LRP1B: variants seen among roughly 807,000 people sequenced by gnomAD.
LRP1B encodes the protein LDL receptor related protein 1B, also known as low-density lipoprotein receptor-related protein 1B.
In LRP1B, 217 loss-of-function variants were observed where a neutral mutation model predicts 556.6. That is an observed-to-expected ratio of 0.39 (90% confidence interval 0.35 to 0.44). The LOEUF (loss-of-function observed/expected upper bound fraction) is 0.44, where lower values mean the gene tolerates loss of function less well. LRP1B is among the 20% of genes least tolerant of loss of function. The pLI, the probability that LRP1B is intolerant of heterozygous loss-of-function variation, is 1.00. For missense variants in LRP1B, 5,053 were observed against 5,620.8 expected, an observed-to-expected ratio of 0.90 and a Z score of 3.23; for synonymous variants, 2,047 against 1,865.8, an observed-to-expected ratio of 1.10 and a Z score of -2.50.
intron 3 of LRP1B, among the ~76,000 whole-genome samples, chr2:141,316,766 G>T (rs1336965314): frequency 1.3e-5 from 2 of 152,214 alleles, no homozygotes; most frequent in African/African-American, 2.4e-5. Flanking sequence ...TTTTGATGTG[G>T]CTTTCCCGCC....
chr2:140,628,393 C>T (rs893994323), intron 41 of LRP1B, among the ~76,000 whole-genome samples: 8 of 151,876 alleles, frequency 5.3e-5, no homozygotes, highest in Non-Finnish European at 8.8e-5. Flanking sequence ...ATAAATTAGC[C>T]GGGCATGGTG....
chr2:141,705,213 A>G (rs560498175), intron 2 of LRP1B, among the ~76,000 whole-genome samples: 3 of 152,128 alleles, frequency 2.0e-5, no homozygotes, highest in African/African-American at 7.2e-5. Flanking sequence ...CTGCCTATCT[A>G]TGATCAGAAA....
chr2:141,231,573 T>G (rs1299108633), intron 5 of LRP1B, among the ~76,000 whole-genome samples: 1 of 151,642 alleles, frequency 6.6e-6, no homozygotes, highest in Non-Finnish European at 1.5e-5. Flanking sequence ...GCAGCTTATA[T>G]AGCACGTAGC....
intron 6 of LRP1B, among the ~76,000 whole-genome samples, chr2:141,212,781 T>C (rs1478392212): frequency 6.6e-6 from 1 of 152,020 alleles, no homozygotes; most frequent in Non-Finnish European, 1.5e-5. Context: ...TAAAATGGTG[T>C]AGTACAGGAA....
At chr2:141,121,890 G>A (rs1701061052) in intron 7 of LRP1B, among the ~76,000 whole-genome samples, 1 of 152,118 alleles carries the variant, frequency 6.6e-6, no homozygotes, top group African/African-American at 2.4e-5. Flanking sequence ...CATGGTACTG[G>A]TACTAAAACA....
chr2:141,130,500 T>C (rs1419726389), intron 7 of LRP1B, among the ~76,000 whole-genome samples: 1 of 152,108 alleles, frequency 6.6e-6, no homozygotes, highest in East Asian at 1.9e-4. Context: ...AATTGTTCCA[T>C]CTTTTATAGA....
chr2:141,506,659 G>C (rs1157569708), intron 2 of LRP1B, among the ~76,000 whole-genome samples: 1 of 151,690 alleles, frequency 6.6e-6, no homozygotes, highest in African/African-American at 2.4e-5. Flanking sequence ...ACTCTTTCGG[G>C]CTCTTTGTAT....
intron 1 of LRP1B, among the ~76,000 whole-genome samples, chr2:142,004,965 A>AATACTATATATTTAGTATTATAG (rs1437306970): frequency 6.7e-6 from 1 of 150,080 alleles, no homozygotes; most frequent in South Asian, 2.1e-4. Context: ...GTCTGCAACA[A>AATACTATATATTTAGTATTATAG]ATACTATATA....
At chr2:141,253,850 T>G (rs1684360582) in intron 4 of LRP1B, among the ~76,000 whole-genome samples, 1 of 141,832 alleles carries the variant, frequency 7.1e-6, no homozygotes, top group Admixed American at 7.1e-5. Flanking sequence ...ATTAGAAATA[T>G]TATATGTAGA....
rs1553469696 is a variant in LRP1B, at chr2:140,465,728, A to AAAAAAAG, written c.9626-8084_9626-8078dup. On this transcript the variant is annotated intron_variant, in intron 60 of 90. Coordinates refer to ENST00000389484, the MANE Select transcript of LRP1B (RefSeq NM_018557.3). ...GGCACTCATGACATTTGCAAAAAAA[A>AAAAAAAG]AAAAAAGAAAAAAACTCCCTAAACA... Among the ~76,000 whole-genome samples the AAAAAAAG allele has an allele frequency of 4.8e-3, 721 of 151,608 alleles. 9 individuals carry two copies. The highest frequency in any genetic ancestry group is 0.015 in the African/African-American group (618 of 41,044).
intron 1 of LRP1B, among the ~76,000 whole-genome samples, chr2:141,942,617 C>A (rs547398323): frequency 6.6e-6 from 1 of 152,314 alleles, no homozygotes; most frequent in East Asian, 1.9e-4. Context: ...TCCATCAATT[C>A]CAATTCATTT....
At chr2:140,821,493 A>C (rs1050601765) in intron 31 of LRP1B, among the ~76,000 whole-genome samples, 6 of 152,204 alleles carry the variant, frequency 3.9e-5, no homozygotes, top group African/African-American at 1.4e-4. Flanking sequence ...CAATAACAGA[A>C]ATGCATAATA....
At chr2:141,328,846 G>T (rs555013660) in intron 3 of LRP1B, among the ~76,000 whole-genome samples, 1 of 152,154 alleles carries the variant, frequency 6.6e-6, no homozygotes, top group Non-Finnish European at 1.5e-5. Flanking sequence ...AGCACCTGAG[G>T]GGGTGGGAGG....
intron 41 of LRP1B, among the ~76,000 whole-genome samples, chr2:140,644,358 A>G (rs1204668683): frequency 6.6e-6 from 1 of 151,916 alleles, no homozygotes. Context: ...TTGATTCTCA[A>G]TAGGACACAT....
At chr2:141,538,708 T>C (rs926473286) in intron 2 of LRP1B, among the ~76,000 whole-genome samples, 1 of 151,880 alleles carries the variant, frequency 6.6e-6, no homozygotes, top group African/African-American at 2.4e-5. Flanking sequence ...ACAATGATCT[T>C]GGCTCACTTT....
chr2:140,475,429 C>T (rs1687934292), intron 59 of LRP1B, 92 bp from the exon 60 acceptor site: 21 of 897,186 alleles, frequency 2.3e-5, no homozygotes, highest in Non-Finnish European at 3.4e-5. Context: ...ACTGTTCCCA[C>T]ATTAATCTTG....
intron 59 of LRP1B, among the ~76,000 whole-genome samples, chr2:140,483,156 C>A (rs764870936): frequency 2.6e-5 from 4 of 151,914 alleles, no homozygotes; most frequent in African/African-American, 4.8e-5. Flanking sequence ...CAACTTTTAC[C>A]TTTTTCTTTG....
chr2:140,806,773 C>A (rs1690732303), intron 32 of LRP1B, among the ~76,000 whole-genome samples: 1 of 152,124 alleles, frequency 6.6e-6, no homozygotes, highest in African/African-American at 2.4e-5. Flanking sequence ...CTCTTTCATG[C>A]CCCACTAAAA....
rs564754290 is a variant in LRP1B, at chr2:141,126,036, T to C, written c.1013+62385A>G. Among the ~76,000 whole-genome samples the C allele has an allele frequency of 1.9e-4, 18 of 94,434 alleles. 2 individuals are homozygous for C. In the South Asian group the frequency reaches 6.0e-3, roughly 31 times the overall value. 62.0% of individuals were successfully genotyped at this position (94,434 alleles called of 152,430 possible). A position where few individuals can be genotyped will look rare whatever the true frequency, so the allele number is the denominator to read the frequency against. ...CAATTGATAGCTACTTTCTTCCTTTTATTTTTTTTTTTTTGAGGCAGAGTC... is the reference window on the plus strand; with the variant it reads ...CAATTGATAGCTACTTTCTTCCTTTCATTTTTTTTTTTTTGAGGCAGAGTC... On this transcript the variant is annotated intron_variant, in intron 7 of 90. Transcript: ENST00000389484.
Sources: allele counts gnomAD v4.1 joint callset (sites outside exome capture counted in the v4.1 genomes callset), GRCh38; gene constraint gnomAD v4.1.1; transcripts MANE v1.5; gene names NCBI Gene and HGNC (gene_info 2026-07-23, HGNC 2026-07-21).